TRIM42: variants seen among roughly 807,000 people sequenced by gnomAD.
TRIM42 encodes the protein tripartite motif-containing protein 42.
A neutral mutation model predicts 64.9 loss-of-function variants in TRIM42; 59 were observed. The observed-to-expected ratio is 0.91, with a 90% CI of 0.74 to 1.13. TRIM42 has a LOEUF of 1.13. Ranked by LOEUF, TRIM42 falls within the 50% of genes most tolerant of loss-of-function variation. The pLI is 0.00. For synonymous variants in TRIM42, 354 were observed against 346.3 expected (o/e 1.02, Z -0.25); for missense variants, 878 against 929.5 (o/e 0.94, Z 0.72).
rs532286551 is a variant in TRIM42 at position 140,689,102 on chromosome 3, C to T, written c.1860+560C>T. On this transcript the variant is annotated intron_variant, in intron 3 of 4. Coordinates refer to ENST00000286349, the MANE Select transcript of TRIM42 (RefSeq NM_152616.5). ...GGAGAGAGTGAAGAGTGGGGTCTGT[C>T]ACAGACCTCTGTAAGTGCCATTGCC... 5.9e-5 allele frequency among the ~76,000 whole-genome samples: 9 copies of T among 152,354 alleles called. No homozygotes were observed. In the East Asian group the frequency reaches 1.7e-3, roughly 29 times the overall value.
At position 140,680,236 on chromosome 3, in the gene TRIM42, T is replaced by C. The variant is rs749689172; in HGVS notation, c.341+1666T>C. On this transcript the variant is annotated intron_variant, in intron 1 of 4. Transcript: ENST00000286349. ...GGATGCTACCACAAGTGTTAGGAGG[T>C]CGGCTCTGGGTGCTTTTCTTCAATC... Among the ~76,000 whole-genome samples, 6 of 151,570 alleles carry C rather than the reference T, an allele frequency of 4.0e-5. No homozygotes were observed. The South Asian group carries it at 8.4e-4, about 21-fold the overall frequency.
At chr3:140,700,116 A>T (rs1163652279) in intron 4 of TRIM42, among the ~76,000 whole-genome samples, 2 of 152,138 alleles carry the variant, frequency 1.3e-5, no homozygotes, top group Non-Finnish European at 2.9e-5. Context: ...TTTGGGGGGA[A>T]GGAATGGGAA....
At position 140,682,964 on chromosome 3, in the gene TRIM42, G is replaced by A. The variant is rs1489647005; in HGVS notation, c.844G>A (p.Ala282Thr). 2.7e-5 allele frequency: 44 copies of A among 1,614,200 alleles called. No individual in the cohort carries two copies. Among genetic ancestry groups the A allele is most frequent in the Non-Finnish European group, 3.4e-5 (40 of 1,180,040 alleles). ...MQDHVFVDTS[A>T]EEQDEKICIH... ...AGACCACGTCTTTGTGGACACCAGC[G>A]CCGAGGAACAGGACGAGAAGATCTG... The change falls in exon 2 of 5, where the codon GCC becomes ACC. Residue 282 changes from alanine (A) to threonine (T), a missense_variant. By Grantham distance (58) the Ala-to-Thr change is moderately conservative (BLOSUM62 0). Transcript: ENST00000286349.
At chr3:140,681,669 C>T (rs1234400847) in intron 1 of TRIM42, among the ~76,000 whole-genome samples, 2 of 151,618 alleles carry the variant, frequency 1.3e-5, no homozygotes, top group Non-Finnish European at 2.9e-5. Context: ...ACTGAGAACA[C>T]ACCTGTAGTT....
At chr3:140,681,895 T>G (rs2107841349) in intron 1 of TRIM42, among the ~76,000 whole-genome samples, 1 of 151,880 alleles carries the variant, frequency 6.6e-6, no homozygotes, top group South Asian at 2.1e-4. Flanking sequence ...CTAGGTTTTT[T>G]GGTTAAAAAA....
At chr3:140,698,169 C>A (rs887028295) in intron 4 of TRIM42, among the ~76,000 whole-genome samples, 1 of 152,126 alleles carries the variant, frequency 6.6e-6, no homozygotes, top group Non-Finnish European at 1.5e-5. Flanking sequence ...ATCCTTCTTT[C>A]TTTTTCAGAA....
chr3:140,683,258 C>A (rs1386740377), intron 2 of TRIM42, 99 bp downstream of exon 2: 12 of 1,246,176 alleles, frequency 9.6e-6, no homozygotes, highest in Non-Finnish European at 1.4e-5. Context: ...TTAACAGATT[C>A]CACCTAGTGG....
chr3:140,679,796 T>C (rs1296810219), intron 1 of TRIM42, among the ~76,000 whole-genome samples: 3 of 152,058 alleles, frequency 2.0e-5, no homozygotes, highest in African/African-American at 7.2e-5. Flanking sequence ...TTTAGGAAAA[T>C]GCCTTAGGCT....
chr3:140,685,593 C>T (rs887642755), intron 2 of TRIM42, among the ~76,000 whole-genome samples: 3 of 152,134 alleles, frequency 2.0e-5, no homozygotes, highest in African/African-American at 7.2e-5. Flanking sequence ...TGAAAACTGC[C>T]TCACCTGGCT....
chr3:140,679,446 T>C (rs1402964913), intron 1 of TRIM42, among the ~76,000 whole-genome samples: 2 of 152,086 alleles, frequency 1.3e-5, no homozygotes, highest in Non-Finnish European at 2.9e-5. Flanking sequence ...CACCATAAGA[T>C]GACAGGATTA....
intron 4 of TRIM42, 55 bp downstream of exon 4, chr3:140,691,247 T>G: frequency 7.1e-7 from 1 of 1,403,146 alleles, no homozygotes; most frequent in Non-Finnish European, 1.0e-6. Flanking sequence ...AGGTTCTGGA[T>G]GAGGCCCTGT....
chr3:140,691,658 C>T (rs1208625360), intron 4 of TRIM42, among the ~76,000 whole-genome samples: 1 of 152,062 alleles, frequency 6.6e-6, no homozygotes, highest in Non-Finnish European at 1.5e-5. Flanking sequence ...TAAAATATGT[C>T]CAGTGCAATA....
intron 2 of TRIM42, among the ~76,000 whole-genome samples, chr3:140,686,812 C>T (rs698675): frequency 0.29 from 44,523 of 152,034 alleles, 6,670 homozygotes; most frequent in East Asian, 0.42. Flanking sequence ...GCCTCAAATC[C>T]TTTAAAGCTA....
chr3:140,683,309 T>A, intron 2 of TRIM42, 150 bp downstream of exon 2: 1 of 844,050 alleles, frequency 1.2e-6, no homozygotes, highest in African/African-American at 1.7e-5. Context: ...ACCCTGCAAG[T>A]CACTATCCTG....
Position 140,687,698 on chromosome 3 carries a change from GTAAC to G in TRIM42, c.1040-18_1040-15del. On this transcript the variant is annotated intron_variant, in intron 2 of 4. Coordinates refer to ENST00000286349, the MANE Select transcript of TRIM42 (RefSeq NM_152616.5). ...ACCTGGGGAGATGAAAATTTTAAAA[GTAAC>G]TAACTTGGCATTTTTGCAGTCCGAT... 2 of 1,567,070 alleles carry G rather than the reference GTAAC, an allele frequency of 1.3e-6. No individual in the cohort carries two copies. Among genetic ancestry groups the G allele is most frequent in the Non-Finnish European group, 1.7e-6 (2 of 1,155,674 alleles).
At position 140,682,532 on chromosome 3, in the gene TRIM42, AGTCACC is replaced by A; in HGVS notation, c.413_418del (p.Ser138_Leu140delinsMet). ...TGAAGTAAAGTCAATACCAGCCAAC[AGTCACC>A]TGGTGAACCACCTCAATTGCCCCAT... On this transcript the variant is annotated inframe_deletion, in exon 2 of 5. Transcript: ENST00000286349. 1 of 1,614,240 alleles carries A rather than the reference AGTCACC, an allele frequency of 6.2e-7. No individual in the cohort carries two copies. Among genetic ancestry groups the A allele is most frequent in the Admixed American group, 1.7e-5 (1 of 60,034 alleles).
At chr3:140,679,422 C>T (rs949834072) in intron 1 of TRIM42, among the ~76,000 whole-genome samples, 3 of 152,038 alleles carry the variant, frequency 2.0e-5, no homozygotes, top group East Asian at 1.9e-4. Flanking sequence ...TTCTTAGAAG[C>T]GGAAAGATGA....
chr3:140,687,245 T>C (rs563866831), intron 2 of TRIM42, among the ~76,000 whole-genome samples: 10 of 152,218 alleles, frequency 6.6e-5, no homozygotes, highest in Admixed American at 1.3e-4. Context: ...CACTGTTGTA[T>C]AGGGCTGGAG....
At chr3:140,684,042 G>A (rs936595685) in intron 2 of TRIM42, among the ~76,000 whole-genome samples, 14 of 152,146 alleles carry the variant, frequency 9.2e-5, no homozygotes, top group African/African-American at 2.9e-4. Context: ...GGTCAGACAT[G>A]AGAATCCAAA....
Sources: allele counts gnomAD v4.1 joint callset (sites outside exome capture counted in the v4.1 genomes callset), GRCh38; gene constraint gnomAD v4.1.1; transcripts MANE v1.5; gene names NCBI Gene and HGNC (gene_info 2026-07-23, HGNC 2026-07-21).